The following ADAMTSL2 variants were observed in gnomAD, a reference collection of about 807,000 sequenced individuals.
ADAMTSL2 encodes ADAMTS-like protein 2.
In ADAMTSL2, 55 loss-of-function variants were observed where a neutral mutation model predicts 117.0. The observed-to-expected ratio is 0.47, with a 90% CI of 0.38 to 0.59. ADAMTSL2 has a LOEUF of 0.59. Among genes scored for constraint, ADAMTSL2 ranks in the 20% least tolerant of loss-of-function variants. The pLI, the probability that ADAMTSL2 is intolerant of heterozygous loss-of-function variation, is 0.00. For synonymous variants in ADAMTSL2, 572 were observed against 566.4 expected (o/e 1.01, Z -0.14); for missense variants, 1,182 against 1,354.5 (o/e 0.87, Z 2.00).
chr9:133,547,689 G>A (rs796780606), intron 9 of ADAMTSL2, among the ~76,000 whole-genome samples: 5 of 152,296 alleles, frequency 3.3e-5, no homozygotes, highest in African/African-American at 1.2e-4. Context: ...CACGGTGGAG[G>A]GGTTTATGCC....
intron 4 of ADAMTSL2, 117 bp from the exon 5 acceptor site, chr9:133,539,654 C>CGGCTGTCCCGGCTGTCCCGGCTGTCCA: frequency 7.2e-6 from 6 of 833,730 alleles, no homozygotes; most frequent in South Asian, 1.5e-5. Context: ...GGCCCCCGCA[C>CGGCTGTCCCGGCTGTCCCGGCTGTCCA]GGCTGTCCCG....
chr9:133,574,963 G>C lies in ADAMTSL2; in HGVS notation c.*99G>C, dbSNP rs1225725822. On this transcript the variant is annotated 3_prime_UTR_variant, in exon 19 of 19. Coordinates refer to ENST00000651351, the MANE Select transcript of ADAMTSL2 (RefSeq NM_014694.4). ...CACAGACCCCCCTCCTGCGGGGCAC[G>C]CTGGCCTAAGAGACGTGGCACTGAG... 2 of 911,904 alleles carry C rather than the reference G, an allele frequency of 2.2e-6. No individual in the cohort carries two copies. The highest frequency in any genetic ancestry group is 2.7e-5 in the South Asian group (2 of 74,814). 56.5% of individuals were successfully genotyped at this position (911,904 alleles called of 1,614,324 possible).
At chr9:133,542,700 C>G (rs1830253836) in intron 7 of ADAMTSL2, among the ~76,000 whole-genome samples, 1 of 152,188 alleles carries the variant, frequency 6.6e-6, no homozygotes, top group South Asian at 2.1e-4. Flanking sequence ...CACACAGCCA[C>G]AAGAGGCAGA....
rs1180310225 is a variant in ADAMTSL2 at position 133,557,795 on chromosome 9, G to A, written c.1649+1865G>A. 2.6e-5 allele frequency among the ~76,000 whole-genome samples: 4 copies of A among 152,312 alleles called. No individual in the cohort carries two copies. The East Asian group carries it at 7.7e-4, about 29-fold the overall frequency. ...GGTGCCTTTCAGGACCCACTGCCTG[G>A]GTCAGGGAGGCCAGCTCTCCGGCAG... On this transcript the variant is annotated intron_variant, in intron 11 of 18. Transcript: ENST00000651351. This position sits in a 1 kb window ranked among gnomAD's most constrained non-coding sequence, Gnocchi z 5.2.
In ADAMTSL2 at chr9:133,547,030, C is replaced by G; in HGVS notation, c.764-8C>G. On this transcript the variant is annotated splice_polypyrimidine_tract_variant and splice_region_variant and intron_variant, in intron 8 of 18. Coordinates refer to ENST00000651351, the MANE Select transcript of ADAMTSL2 (RefSeq NM_014694.4). ...GGCCTTTTGTGACCGGCGGCTTTGCCCTTCCAGCTCTTGCAGACGAAGCTG... is the reference window on the plus strand; with the variant it reads ...GGCCTTTTGTGACCGGCGGCTTTGCGCTTCCAGCTCTTGCAGACGAAGCTG... 6.2e-7 allele frequency: 1 copy of G among 1,613,632 alleles called. No homozygotes were observed. The highest frequency in any genetic ancestry group is 1.1e-5 in the South Asian group (1 of 91,056).
rs1255598684 is a variant in ADAMTSL2 at position 133,557,480 on chromosome 9, G to A, written c.1649+1550G>A. Among the ~76,000 whole-genome samples, 5 of 152,262 alleles carry A rather than the reference G, an allele frequency of 3.3e-5. No individual in the cohort carries two copies. The highest frequency in any genetic ancestry group is 5.9e-5 in the Non-Finnish European group (4 of 68,010). On this transcript the variant is annotated intron_variant, in intron 11 of 18. Transcript: ENST00000651351. The surrounding 1 kb of genome is among the most constrained non-coding windows in gnomAD (Gnocchi z 5.2). ...CCTTGGGTAGGTGGGGCCTGTGGCTGGTTCTCAGGACTCGGGCGGGGAGGG... is the reference window on the plus strand; with the variant it reads ...CCTTGGGTAGGTGGGGCCTGTGGCTAGTTCTCAGGACTCGGGCGGGGAGGG...
At chr9:133,537,613 G>A (rs1404747180) in intron 3 of ADAMTSL2, 66 bp downstream of exon 3, 47 of 1,302,630 alleles carry the variant, frequency 3.6e-5, no homozygotes, top group Middle Eastern at 2.8e-4. Context: ...AGGAGAGGGC[G>A]GTTGGCTCTT....
intron 12 of ADAMTSL2, among the ~76,000 whole-genome samples, chr9:133,562,167 G>A (rs1431236157): frequency 6.6e-6 from 1 of 152,212 alleles, no homozygotes; most frequent in African/African-American, 2.4e-5. Flanking sequence ...TCTGGCCAGT[G>A]AGGATTCCAC....
chr9:133,555,301 C>G (rs112964509), intron 10 of ADAMTSL2, among the ~76,000 whole-genome samples: 26,663 of 145,278 alleles, frequency 0.18, 2,590 homozygotes, highest in Middle Eastern at 0.27. Flanking sequence ...CCGGGGGGGG[C>G]CATGAATTTT....
At position 133,570,045 on chromosome 9, in the gene ADAMTSL2, C is replaced by T. The variant is rs1281642146; in HGVS notation, c.2416-286C>T. ...GGTCACTAAACCGGATAATCTCGAG[C>T]CAAATTGTTTTCTGCTAAATTGATT... On this transcript the variant is annotated intron_variant, in intron 16 of 18. Transcript: ENST00000651351. Among the ~76,000 whole-genome samples the T allele has an allele frequency of 3.9e-5, 6 of 152,342 alleles. No homozygotes were observed. In the East Asian group the frequency reaches 1.2e-3, roughly 29 times the overall value.
intron 9 of ADAMTSL2, among the ~76,000 whole-genome samples, chr9:133,550,981 A>G (rs1403401789): frequency 1.3e-5 from 2 of 152,108 alleles, no homozygotes; most frequent in African/African-American, 2.4e-5. Context: ...TACCTCCTCC[A>G]GACCTCCTGG....
At chr9:133,532,794 T>C (rs1050669021), upstream of ADAMTSL2, among the ~76,000 whole-genome samples, 16 of 151,570 alleles carry the variant, frequency 1.1e-4, no homozygotes, top group African/African-American at 3.6e-4. Context: ...GGGGGTGGTG[T>C]GGAAGTGTGG....
intron 4 of ADAMTSL2, among the ~76,000 whole-genome samples, chr9:133,539,358 A>G (rs1830137401): frequency 6.6e-6 from 1 of 152,148 alleles, no homozygotes; most frequent in South Asian, 2.1e-4. Context: ...TGATTTACGC[A>G]GTGTGCATGG....
rs760679391 is a variant in ADAMTSL2 at position 133,555,564 on chromosome 9, A to G, written c.1283A>G (p.Asn428Ser). 2.0e-4 allele frequency: 315 copies of G among 1,612,990 alleles called. No homozygotes were observed. Among genetic ancestry groups the G allele is most frequent in the Non-Finnish European group, 1.5e-4 (176 of 1,180,010 alleles). The change falls in exon 11 of 19, where the codon AAC becomes AGC. Residue 428 changes from asparagine to serine, a missense_variant. By Grantham distance (46) the Asn-to-Ser change is conservative. Transcript: ENST00000651351. ...PPRGKGFRDR[N>S]VTGTPLTGDK... ...CCACCTGTCTCCTCTCCAGACCGCA[A>G]CGTCACGGGGACTCCTCTCACCGGG...
chr9:133,553,044 T>C (rs1830522698), intron 9 of ADAMTSL2, among the ~76,000 whole-genome samples: 6 of 152,136 alleles, frequency 3.9e-5, no homozygotes, highest in Admixed American at 3.9e-4. Flanking sequence ...GCTATTGGTC[T>C]GGTGGCTGGG....
rs982225900 is a variant in ADAMTSL2 at position 133,561,267 on chromosome 9, C to T, written c.1719C>T (p.His573=). The T allele has an allele frequency of 8.1e-6, 13 of 1,603,230 alleles. No homozygotes were observed. Among genetic ancestry groups the T allele is most frequent in the African/African-American group, 8.0e-5 (6 of 74,996 alleles). ...TGTACCGGTGGAAGCTCTCGTCCCACGAGCCCTGCAGTGCCACCTGCACCA... is the reference window on the plus strand; with the variant it reads ...TGTACCGGTGGAAGCTCTCGTCCCATGAGCCCTGCAGTGCCACCTGCACCA... ...ADMYRWKLSS[H]EPCSATCTTG... Residue 573 remains histidine, a synonymous_variant, in exon 12 of 19, where the codon CAC becomes CAT. Transcript: ENST00000651351.
In ADAMTSL2 at chr9:133,557,766, G is replaced by A. The variant is rs1038947225; in HGVS notation, c.1649+1836G>A. On this transcript the variant is annotated intron_variant, in intron 11 of 18. Transcript: ENST00000651351. The surrounding 1 kb of genome is among the most constrained non-coding windows in gnomAD (Gnocchi z 5.2). ...AACTGAGCCTCCAAGTGGCAGCAGT[G>A]GGGGGTGCCTTTCAGGACCCACTGC... Among the ~76,000 whole-genome samples, 3 of 152,212 alleles carry A rather than the reference G, an allele frequency of 2.0e-5. No homozygotes were observed. Among genetic ancestry groups the A allele is most frequent in the Non-Finnish European group, 4.4e-5 (3 of 68,030 alleles).
In ADAMTSL2 at chr9:133,565,839, C is replaced by CCACACACA. The variant is rs71281253; in HGVS notation, c.1748-1068_1748-1061dup. 6.2e-3 allele frequency among the ~76,000 whole-genome samples: 897 copies of CCACACACA among 144,032 alleles called. 8 individuals are homozygous for CCACACACA. The highest frequency in any genetic ancestry group is 0.015 in the African/African-American group (595 of 38,896). The allele number at this position is 144,032 out of a possible 152,430, so 94.5% of individuals were successfully genotyped here. On this transcript the variant is annotated intron_variant, in intron 12 of 18. Transcript: ENST00000651351. ...GGAAGGCTGGGTCTGTCTCCCGTGG[C>CCACACACA]CACACACACACACACACACACACAC...
intron 11 of ADAMTSL2, among the ~76,000 whole-genome samples, chr9:133,560,693 T>C (rs1328210795): frequency 6.6e-6 from 1 of 152,188 alleles, no homozygotes; most frequent in Non-Finnish European, 1.5e-5. Flanking sequence ...TTAATTTTGA[T>C]AATTGGAGGC....
Sources: gnomAD v4.1 joint callset for allele counts (sites outside exome capture counted in the v4.1 genomes callset) on GRCh38, gnomAD v4.1.1 for gene constraint, Gnocchi (gnomAD v3.1) non-coding constraint, MANE v1.5 for transcripts, NCBI Gene and HGNC (gene_info 2026-07-23, HGNC 2026-07-21) for gene names.